KHDRBS2: variants seen among roughly 807,000 people sequenced by gnomAD.
KHDRBS2 encodes the protein KH domain-containing, RNA-binding, signal transduction-associated protein 2.
A neutral mutation model predicts 44.3 loss-of-function variants in KHDRBS2; 26 were observed. The ratio of observed to expected loss-of-function variants is 0.59; its 90% CI spans 0.43 to 0.81. The LOEUF (loss-of-function observed/expected upper bound fraction) is 0.81. KHDRBS2 is among the 40% of genes least tolerant of loss of function. The probability of loss-of-function intolerance (pLI) is 0.00; values close to 1 mark genes in which losing one functional copy is unlikely to be tolerated. For missense variants in KHDRBS2, 476 were observed against 433.1 expected (o/e 1.10, Z -0.88); for synonymous variants, 194 against 151.1 (o/e 1.28, Z -2.08).
chr6:62,270,789 G>T (rs532765106), intron 1 of KHDRBS2, among the ~76,000 whole-genome samples: 77 of 152,160 alleles, frequency 5.1e-4, no homozygotes, highest in African/African-American at 1.7e-3. Context: ...ATATATACTT[G>T]CATAGGATTC....
chr6:61,806,550 TA>T (rs1381547987), intron 6 of KHDRBS2, among the ~76,000 whole-genome samples: 1 of 152,186 alleles, frequency 6.6e-6, no homozygotes, highest in Non-Finnish European at 1.5e-5. Flanking sequence ...ATATAGGAGA[TA>T]AGTGGACTTC....
At chr6:62,172,698 GAAAA>G (rs33984802) in intron 2 of KHDRBS2, among the ~76,000 whole-genome samples, 1 of 73,462 alleles carries the variant, frequency 1.4e-5, no homozygotes, top group Non-Finnish European at 2.5e-5. Flanking sequence ...CCAGCAAACT[GAAAA>G]AAAAAAAAAA....
At chr6:62,164,585 G>A (rs1308052625) in intron 2 of KHDRBS2, among the ~76,000 whole-genome samples, 1 of 151,764 alleles carries the variant, frequency 6.6e-6, no homozygotes, top group Non-Finnish European at 1.5e-5. Context: ...GTAAATGTAT[G>A]CACATGTATA....
At chr6:61,629,195 C>CTT in the KHDRBS2 span, among the ~76,000 whole-genome samples, 48 of 152,198 alleles carry the variant, frequency 3.2e-4, no homozygotes, top group East Asian at 9.1e-3. Flanking sequence ...CTAATCTAAA[C>CTT]TTTTCTTACT....
At chr6:61,816,906 T>C in intron 6 of KHDRBS2, 1 of 455,554 alleles carries the variant, frequency 2.2e-6, no homozygotes. Flanking sequence ...ATGCAGTAGC[T>C]AGAAGTTAGT....
intron 3 of KHDRBS2, among the ~76,000 whole-genome samples, chr6:61,989,359 C>A (rs1775681605): frequency 6.6e-6 from 1 of 152,186 alleles, no homozygotes; most frequent in East Asian, 1.9e-4. Context: ...TGCAAAACTA[C>A]TTCCTGTCAT....
At chr6:62,193,469 T>G (rs183245582) in intron 1 of KHDRBS2, among the ~76,000 whole-genome samples, 115 of 152,246 alleles carry the variant, frequency 7.6e-4, no homozygotes, top group African/African-American at 2.6e-3. Flanking sequence ...TGGGTGGTTT[T>G]TGAAAATTAA....
intron 1 of KHDRBS2, among the ~76,000 whole-genome samples, chr6:62,230,021 C>T (rs1210147653): frequency 6.6e-6 from 1 of 152,180 alleles, no homozygotes; most frequent in Non-Finnish European, 1.5e-5. Context: ...CCTGGACATT[C>T]TCTTTTTGTG....
intron 1 of KHDRBS2, among the ~76,000 whole-genome samples, chr6:62,231,920 A>T (rs1478794119): frequency 6.6e-6 from 1 of 152,168 alleles, no homozygotes; most frequent in African/African-American, 2.4e-5. Context: ...AAGCACTGTT[A>T]AAATATTTCT....
chr6:61,579,691 C>T, the KHDRBS2 span, among the ~76,000 whole-genome samples: 5 of 152,278 alleles, frequency 3.3e-5, no homozygotes, highest in South Asian at 8.3e-4. Flanking sequence ...TGGCTTAACC[C>T]TGAGAATTTC....
intron 6 of KHDRBS2, among the ~76,000 whole-genome samples, chr6:61,854,595 C>T (rs1274003032): frequency 6.6e-6 from 1 of 152,136 alleles, no homozygotes; most frequent in Non-Finnish European, 1.5e-5. Context: ...CTATATCTCA[C>T]TCACTATTTT....
chr6:62,206,604 TA>T (rs1003575843), intron 1 of KHDRBS2, among the ~76,000 whole-genome samples: 61 of 152,138 alleles, frequency 4.0e-4, no homozygotes, highest in African/African-American at 1.3e-3. Context: ...AATATAGAAA[TA>T]AAAACTATAA....
chr6:62,185,144 A>T (rs961966341), intron 1 of KHDRBS2, among the ~76,000 whole-genome samples: 1 of 151,880 alleles, frequency 6.6e-6, no homozygotes, highest in African/African-American at 2.4e-5. Context: ...TAATTATTGC[A>T]TTGTTTTGAT....
chr6:61,783,529 A>G (rs1264945476), intron 6 of KHDRBS2, among the ~76,000 whole-genome samples: 2 of 152,120 alleles, frequency 1.3e-5, no homozygotes, highest in East Asian at 3.9e-4. Flanking sequence ...AAGTAAGATA[A>G]AAAAGACATA....
rs551322352 is a variant in KHDRBS2 at position 62,003,937 on chromosome 6, G to A, written c.337-25725C>T. ...ATAACAAAATGAAGGCAGAAATACA[G>A]ATGTTCTTTGAAACCAATGAGAACA... On this transcript the variant is annotated intron_variant, in intron 3 of 8. Transcript: ENST00000281156. Among the ~76,000 whole-genome samples, 27 of 152,278 alleles carry A rather than the reference G, an allele frequency of 1.8e-4. No homozygotes were observed. In the South Asian group the frequency reaches 5.6e-3, roughly 32 times the overall value.
intron 7 of KHDRBS2, among the ~76,000 whole-genome samples, chr6:61,704,524 A>G (rs533503416): frequency 6.6e-6 from 1 of 151,930 alleles, no homozygotes; most frequent in African/African-American, 2.4e-5. Flanking sequence ...GCGTATCAGT[A>G]TTAGGGAGAG....
chr6:61,880,159 A>G (rs1317277720), intron 6 of KHDRBS2, among the ~76,000 whole-genome samples: 1 of 151,946 alleles, frequency 6.6e-6, no homozygotes. Flanking sequence ...CCGAATGGAA[A>G]AGTACACACA....
At chr6:62,052,571 C>A (rs1584380643) in intron 2 of KHDRBS2, among the ~76,000 whole-genome samples, 2 of 118,022 alleles carry the variant, frequency 1.7e-5, no homozygotes, top group East Asian at 2.8e-4. Context: ...CACCAGGGAC[C>A]AGTTGCGTGG....
intron 2 of KHDRBS2, among the ~76,000 whole-genome samples, chr6:62,102,617 C>A (rs936593925): frequency 6.6e-6 from 1 of 152,178 alleles, no homozygotes. Context: ...TGACTCTGGC[C>A]CACGGCTCCT....
Sources: allele counts gnomAD v4.1 joint callset (sites outside exome capture counted in the v4.1 genomes callset), GRCh38; gene constraint gnomAD v4.1.1; transcripts MANE v1.5; gene names NCBI Gene and HGNC (gene_info 2026-07-23, HGNC 2026-07-21).